The following COL23A1 variants were observed in gnomAD, a reference collection of about 807,000 sequenced individuals.
COL23A1 encodes the protein collagen alpha-1(XXIII) chain.
COL23A1 carries 97 observed loss-of-function variants against 99.3 expected under a neutral mutation model. The observed-to-expected ratio is 0.98, with a 90% CI of 0.83 to 1.16. The LOEUF is 1.16. Ranked by LOEUF, COL23A1 falls within the 50% of genes most tolerant of loss-of-function variation. The probability of loss-of-function intolerance (pLI) is 0.00; values close to 1 mark genes in which losing one functional copy is unlikely to be tolerated. For missense variants in COL23A1, 762 were observed against 757.4 expected (o/e 1.01, Z -0.07); for synonymous variants, 320 against 308.2 (o/e 1.04, Z -0.40).
intron 2 of COL23A1, among the ~76,000 whole-genome samples, chr5:178,401,609 C>T (rs146762704): frequency 3.9e-4 from 59 of 152,256 alleles, no homozygotes; most frequent in African/African-American, 1.2e-3. Flanking sequence ...TGAATAATGC[C>T]GCTATAAACA....
chr5:178,377,738 G>A (rs1475398676), intron 2 of COL23A1, among the ~76,000 whole-genome samples: 1 of 152,236 alleles, frequency 6.6e-6, no homozygotes, highest in Non-Finnish European at 1.5e-5. Flanking sequence ...GGGAGGCCGA[G>A]AGAGCAGGTG....
At position 178,237,880 on chromosome 5, in the gene COL23A1, G is replaced by C. The variant is rs926836381; in HGVS notation, c.*818C>G. 1 of 152,378 alleles carries C rather than the reference G, an allele frequency of 6.6e-6. No individual in the cohort carries two copies. Among genetic ancestry groups the C allele is most frequent in the Admixed American group, 6.5e-5 (1 of 15,294 alleles). 9.4% of individuals were successfully genotyped at this position (152,378 alleles called of 1,614,324 possible). ...GGAGACTTGGGGCCAGTGAGACCCA[G>C]ACTCTGAGTGGGAGGCCTGCCTCCC... On this transcript the variant is annotated 3_prime_UTR_variant, in exon 29 of 29. Transcript: ENST00000390654.
At chr5:178,393,387 T>C (rs768816413) in intron 2 of COL23A1, among the ~76,000 whole-genome samples, 10 of 151,966 alleles carry the variant, frequency 6.6e-5, no homozygotes, top group Non-Finnish European at 1.5e-5. Context: ...GGAGGAGGAA[T>C]GGGGAGTTAT....
chr5:178,342,314 G>T (rs968317832), intron 2 of COL23A1, among the ~76,000 whole-genome samples: 2 of 152,218 alleles, frequency 1.3e-5, no homozygotes, highest in Non-Finnish European at 2.9e-5. Flanking sequence ...CTAGCACCAA[G>T]GTGGTTTCCT....
intron 2 of COL23A1, among the ~76,000 whole-genome samples, chr5:178,377,498 G>A (rs1763139416): frequency 6.6e-6 from 1 of 152,230 alleles, no homozygotes; most frequent in Non-Finnish European, 1.5e-5. Context: ...TCACCACACA[G>A]CCAGACGTGT....
Position 178,277,200 on chromosome 5 carries a change from T to TAA in COL23A1, c.442-6839_442-6838dup, listed in dbSNP as rs61628732. Among the ~76,000 whole-genome samples, 7 of 137,602 alleles carry TAA rather than the reference T, an allele frequency of 5.1e-5. No individual in the cohort carries two copies. In the East Asian group the frequency reaches 8.9e-4, roughly 17 times the overall value. The allele number at this position is 137,602 out of a possible 152,430, so 90.3% of individuals were successfully genotyped here. A position where few individuals can be genotyped will look rare whatever the true frequency, so the allele number is the denominator to read the frequency against. On this transcript the variant is annotated intron_variant, in intron 5 of 28. Transcript: ENST00000390654. Reference sequence around the variant, plus strand: ...GGGCAACATAGTGAGACCTCATCTCTAAAAAAAAAAAAAAAAAAGGTTGGG... The same window carrying TAA: ...GGGCAACATAGTGAGACCTCATCTCTAAAAAAAAAAAAAAAAAAAAGGTTGGG...
chr5:178,390,199 A>T (rs906007907), intron 2 of COL23A1, among the ~76,000 whole-genome samples: 1 of 152,238 alleles, frequency 6.6e-6, no homozygotes, highest in African/African-American at 2.4e-5. Context: ...GGATGAATAT[A>T]TCATTTACTA....
chr5:178,256,975 G>A (rs759098172), intron 13 of COL23A1, 47 bp from the exon 14 acceptor site: 3 of 1,587,746 alleles, frequency 1.9e-6, no homozygotes, highest in Non-Finnish European at 2.6e-6. Flanking sequence ...GACGGCACGT[G>A]GCGGGTGCCT....
chr5:178,513,932 T>C (rs2127997175), intron 2 of COL23A1, among the ~76,000 whole-genome samples: 1 of 152,356 alleles, frequency 6.6e-6, no homozygotes, highest in East Asian at 1.9e-4. Flanking sequence ...TACCCATTTA[T>C]AATTGTCCGG....
Position 178,238,593 on chromosome 5 carries a change from CAG to C in COL23A1, c.*103_*104del. 2.1e-6 allele frequency: 3 copies of C among 1,456,166 alleles called. No homozygotes were observed. Among genetic ancestry groups the C allele is most frequent in the Middle Eastern group, 2.4e-4 (1 of 4,086 alleles). 90.2% of individuals were successfully genotyped at this position (1,456,166 alleles called of 1,614,324 possible). On this transcript the variant is annotated 3_prime_UTR_variant, in exon 29 of 29. Coordinates refer to ENST00000390654, the MANE Select transcript of COL23A1 (RefSeq NM_173465.4). Reference sequence around the variant, plus strand: ...CATACTCTTGAATGTTAAAAGGCCACAGGTAGCGCATTCCATGAAAAAAGATC... The same window carrying C: ...CATACTCTTGAATGTTAAAAGGCCACGTAGCGCATTCCATGAAAAAAGATC...
intron 2 of COL23A1, among the ~76,000 whole-genome samples, chr5:178,545,315 G>C (rs1182954070): frequency 6.6e-6 from 1 of 152,106 alleles, no homozygotes; most frequent in Non-Finnish European, 1.5e-5. Context: ...GCCCAACAGG[G>C]GGCTCAGGTT....
chr5:178,578,368 A>G (rs1343358016), intron 1 of COL23A1, among the ~76,000 whole-genome samples: 1 of 152,114 alleles, frequency 6.6e-6, no homozygotes, highest in Non-Finnish European at 1.5e-5. Flanking sequence ...CATCATGGGA[A>G]TCTTCCCTTC....
intron 2 of COL23A1, among the ~76,000 whole-genome samples, chr5:178,555,432 C>T (rs2113513971): frequency 6.6e-6 from 1 of 152,246 alleles, no homozygotes; most frequent in African/African-American, 2.4e-5. Flanking sequence ...TACTGGCGGC[C>T]ACCTTCCCAA....
intron 2 of COL23A1, among the ~76,000 whole-genome samples, chr5:178,548,734 T>C (rs1031163240): frequency 2.0e-5 from 3 of 152,186 alleles, no homozygotes; most frequent in Non-Finnish European, 2.9e-5. Context: ...ACTATGTATT[T>C]GTTGTATGTG....
At position 178,347,136 on chromosome 5, in the gene COL23A1, A is replaced by T. The variant is rs569282195; in HGVS notation, c.362-40217T>A. 9.9e-5 allele frequency among the ~76,000 whole-genome samples: 15 copies of T among 152,232 alleles called. No individual in the cohort carries two copies. In the East Asian group the frequency reaches 2.9e-3, roughly 29 times the overall value. On this transcript the variant is annotated intron_variant, in intron 2 of 28. Coordinates refer to ENST00000390654, the MANE Select transcript of COL23A1 (RefSeq NM_173465.4). ...CGCGCACTGAGGCACTGGGAGCCGCACTGGCCCGAGACCTTTCTGCAAGGA... is the reference window on the plus strand; with the variant it reads ...CGCGCACTGAGGCACTGGGAGCCGCTCTGGCCCGAGACCTTTCTGCAAGGA...
intron 2 of COL23A1, among the ~76,000 whole-genome samples, chr5:178,498,927 A>T (rs1290686077): frequency 1.7e-5 from 1 of 60,432 alleles, no homozygotes; most frequent in Non-Finnish European, 5.0e-5. Context: ...ATCTCTTCTA[A>T]AAAAAAAAAA....
intron 2 of COL23A1, among the ~76,000 whole-genome samples, chr5:178,542,017 G>A (rs953096475): frequency 1.3e-5 from 2 of 152,126 alleles, no homozygotes; most frequent in Non-Finnish European, 2.9e-5. Flanking sequence ...CTTGTAGCAG[G>A]TTACATCTTT....
At chr5:178,304,571 C>G (rs1758251537) in intron 3 of COL23A1, among the ~76,000 whole-genome samples, 1 of 151,518 alleles carries the variant, frequency 6.6e-6, no homozygotes, top group Non-Finnish European at 1.5e-5. Context: ...AGGCCTCCGG[C>G]CTCCTTATAC....
chr5:178,498,914 C>T (rs893759243), intron 2 of COL23A1, among the ~76,000 whole-genome samples: 108 of 139,200 alleles, frequency 7.8e-4, no homozygotes, highest in African/African-American at 2.8e-3. Context: ...ACGGTGAAAC[C>T]CCATCTCTTC....
Sources: allele counts gnomAD v4.1 joint callset (sites outside exome capture counted in the v4.1 genomes callset), GRCh38; gene constraint gnomAD v4.1.1; transcripts MANE v1.5; gene names NCBI Gene and HGNC (gene_info 2026-07-23, HGNC 2026-07-21).